BAIAP3: variants seen among roughly 807,000 people sequenced by gnomAD.
BAIAP3 encodes the protein BAI1 associated protein 3.
In BAIAP3, 180 loss-of-function variants were observed where a neutral mutation model predicts 149.7. The observed-to-expected ratio is 1.20, with a 90% CI of 1.07 to 1.36. The LOEUF (loss-of-function observed/expected upper bound fraction) is 1.36, where lower values mean the gene tolerates loss of function less well. Among genes scored for constraint, BAIAP3 ranks in the 40% most tolerant of loss-of-function variants. BAIAP3 has a pLI of 0.00. For synonymous variants in BAIAP3, 845 were observed against 670.7 expected, an observed-to-expected ratio of 1.26 and a Z score of -4.02; for missense variants, 1,767 against 1,563.4, an observed-to-expected ratio of 1.13 and a Z score of -2.20.
At chr16:1,339,061 C>T in intron 3 of BAIAP3, 72 bp downstream of exon 3, 1 of 1,603,950 alleles carries the variant, frequency 6.2e-7, no homozygotes, top group South Asian at 1.1e-5. Flanking sequence ...TCCCCGCTCC[C>T]TCCTGCCCTC....
chr16:1,346,592 C>T lies in BAIAP3; in HGVS notation c.2563-13C>T. 1 of 1,559,662 alleles carries T rather than the reference C, an allele frequency of 6.4e-7. No homozygotes were observed. The highest frequency in any genetic ancestry group is 1.2e-5 in the South Asian group (1 of 85,118). ...GTGCGGGGTAAGCCTGGCCTGACCA[C>T]CCCTGCCCGCAGGCCGTGGCCCCGC... On this transcript the variant is annotated splice_polypyrimidine_tract_variant and intron_variant, in intron 26 of 33. Transcript: ENST00000426824.
At chr16:1,343,643 T>C in intron 15 of BAIAP3, 130 bp downstream of exon 15, 1 of 1,390,164 alleles carries the variant, frequency 7.2e-7, no homozygotes, top group Non-Finnish European at 9.7e-7. Flanking sequence ...ACAAACTGTA[T>C]GACGTGGGCG....
chr16:1,340,172 G>C lies in BAIAP3; in HGVS notation c.408+569G>C, dbSNP rs1467301938. ...GGTGCACACAGACACACGCACACAG[G>C]CTGCAGGTGCACACAGACACACGCA... On this transcript the variant is annotated intron_variant, in intron 5 of 33. Transcript: ENST00000426824. Among the ~76,000 whole-genome samples, 66 of 104,022 alleles carry C rather than the reference G, an allele frequency of 6.3e-4. 3 individuals carry two copies. Among genetic ancestry groups the C allele is most frequent in the Non-Finnish European group, 9.9e-4 (55 of 55,374 alleles). 68.2% of individuals were successfully genotyped at this position (104,022 alleles called of 152,430 possible).
At chr16:1,347,136 C>T (rs527879219) in intron 28 of BAIAP3, 162 bp from the exon 29 acceptor site, 249 of 906,286 alleles carry the variant, frequency 2.7e-4, no homozygotes, top group Non-Finnish European at 3.4e-4. Flanking sequence ...CCTTTCCCCA[C>T]GCTTCCTGGG....
chr16:1,336,550 A>G (rs1007989116), intron 1 of BAIAP3, among the ~76,000 whole-genome samples: 2 of 152,122 alleles, frequency 1.3e-5, no homozygotes, highest in Non-Finnish European at 2.9e-5. Context: ...ATATCCGGGA[A>G]TGGTGTCTGA....
At chr16:1,338,847 C>A (rs2033653584) in intron 2 of BAIAP3, 55 bp from the exon 3 acceptor site, 3 of 1,605,870 alleles carry the variant, frequency 1.9e-6, no homozygotes, top group Non-Finnish European at 2.6e-6. Flanking sequence ...AGTCGAGGGT[C>A]CCAGGCAGGG....
Position 1,338,664 on chromosome 16 carries a change from C to A in BAIAP3, c.115C>A (p.Pro39Thr), listed in dbSNP as rs1474026911. ...GAGTGCCAGCGCCGACCCGCAGGAGCCTGCCACGGGGGCCTGGTGGGTGCC... is the reference window on the plus strand; with the variant it reads ...GAGTGCCAGCGCCGACCCGCAGGAGACTGCCACGGGGGCCTGGTGGGTGCC... ...PGSASADPQE[P>T]ATGAWKPGDG... Residue 39 changes from proline (P) to threonine (T), a missense_variant, in exon 2 of 34, where the codon CCT (proline) becomes ACT (threonine). Pro to Thr is a conservative substitution (Grantham distance 38, BLOSUM62 -1). Transcript: ENST00000426824. 11 of 1,585,864 alleles carry A rather than the reference C, an allele frequency of 6.9e-6. No homozygotes were observed. Among genetic ancestry groups the A allele is most frequent in the Non-Finnish European group, 9.4e-6 (11 of 1,167,868 alleles).
At chr16:1,343,082 G>A in intron 14 of BAIAP3, 66 bp downstream of exon 14, 3 of 1,424,796 alleles carry the variant, frequency 2.1e-6, no homozygotes, top group South Asian at 1.2e-5. Context: ...GGCATCGGGG[G>A]CCATGCGGTG....
chr16:1,340,164 G>A (rs1223277786), intron 5 of BAIAP3, among the ~76,000 whole-genome samples: 32 of 79,044 alleles, frequency 4.0e-4, no homozygotes, highest in African/African-American at 4.7e-4. Context: ...ACAGACACAC[G>A]CACACAGGCT....
intron 20 of BAIAP3, 38 bp downstream of exon 20, chr16:1,344,887 T>A: frequency 6.2e-7 from 1 of 1,613,678 alleles, no homozygotes. Flanking sequence ...CTGCCAGGCA[T>A]GGGGAAGTGG....
chr16:1,336,358 G>C lies in BAIAP3; in HGVS notation c.-10-2182G>C, dbSNP rs79575281. On this transcript the variant is annotated intron_variant, in intron 1 of 33. Coordinates refer to ENST00000426824, the MANE Select transcript of BAIAP3 (RefSeq NM_001199097.2). ...CCTACCAAGCCCCCCCATCTTTTGG[G>C]GGGGAGGCTCACAGGGGAAGGCACT... is the stretch of plus-strand genomic sequence containing the variant. The C allele has an allele frequency of 2.0e-3, 1,981 of 985,390 alleles. 31 individuals carry two copies. The African/African-American group carries it at 0.033, about 16-fold the overall frequency. 61.0% of individuals were successfully genotyped at this position (985,390 alleles called of 1,614,324 possible). A position where few individuals can be genotyped will look rare whatever the true frequency, so the allele number is the denominator to read the frequency against.
rs150730105 is a variant in BAIAP3 at position 1,341,387 on chromosome 16, G to A, written c.629G>A (p.Arg210His). 428 of 1,612,542 alleles carry A rather than the reference G, an allele frequency of 2.7e-4. 1 individual carries two copies. Among genetic ancestry groups the A allele is most frequent in the African/African-American group, 2.2e-3 (168 of 75,064 alleles). Residue 210 changes from arginine to histidine, a missense_variant, in exon 8 of 34, where the codon CGC becomes CAC. Arg to His is a conservative substitution (Grantham distance 29). Coordinates refer to ENST00000426824, the MANE Select transcript of BAIAP3 (RefSeq NM_001199097.2). ...CAGAAGGAGCAGCGCTTCGGCTTCC[G>A]CAAGGGCAGCAAGCGCGGTGGACCC... ...RAQKEQRFGFRKGSKRGGPLP... is the reference protein window; with the variant it reads ...RAQKEQRFGFHKGSKRGGPLP...
At position 1,348,503 on chromosome 16, in the gene BAIAP3, G is replaced by A. The variant is rs200029023; in HGVS notation, c.*21G>A. On this transcript the variant is annotated 3_prime_UTR_variant, in exon 34 of 34. Coordinates refer to ENST00000426824, the MANE Select transcript of BAIAP3 (RefSeq NM_001199097.2). Reference sequence around the variant, plus strand: ...CCTGAGTCCATCAGCTGCCAGCCCCGGCCCTGGCCCCCACCCCAAGTTCCC... The same window carrying A: ...CCTGAGTCCATCAGCTGCCAGCCCCAGCCCTGGCCCCCACCCCAAGTTCCC... The A allele has an allele frequency of 2.5e-4, 393 of 1,585,350 alleles. 5 individuals are homozygous for A. The East Asian group carries it at 5.5e-3, about 22-fold the overall frequency.
chr16:1,339,416 G>A, intron 4 of BAIAP3, 80 bp from the exon 5 acceptor site: 1 of 1,504,078 alleles, frequency 6.6e-7, no homozygotes, highest in Non-Finnish European at 9.1e-7. Context: ...GGTGGGGCCT[G>A]GGCTCAGGCA....
At position 1,348,689 on chromosome 16, in the gene BAIAP3, C is replaced by G; in HGVS notation, c.*207C>G. 2 of 611,592 alleles carry G rather than the reference C, an allele frequency of 3.3e-6. No individual in the cohort carries two copies. Among genetic ancestry groups the G allele is most frequent in the Non-Finnish European group, 5.8e-6 (2 of 347,502 alleles). The allele number at this position is 611,592 out of a possible 1,614,324, so 37.9% of individuals were successfully genotyped here. ...TGAACCCCTGCACCCAACCCCACAT[C>G]TGGGTGGCCAACTTGGCAGGACTTG... On this transcript the variant is annotated 3_prime_UTR_variant, in exon 34 of 34. Coordinates refer to ENST00000426824, the MANE Select transcript of BAIAP3 (RefSeq NM_001199097.2).
At position 1,339,097 on chromosome 16, in the gene BAIAP3, G is replaced by A. The variant is rs1210401735; in HGVS notation, c.220-67G>A. 4 of 1,587,608 alleles carry A rather than the reference G, an allele frequency of 2.5e-6. No homozygotes were observed. The African/African-American group carries it at 4.0e-5, about 16-fold the overall frequency. On this transcript the variant is annotated intron_variant, in intron 3 of 33. Coordinates refer to ENST00000426824, the MANE Select transcript of BAIAP3 (RefSeq NM_001199097.2). ...GCTCCCACCTCCTGGGGCACCACCT[G>A]TCTTCCCTGCTGCAGGCCTGGGGCT...
Position 1,348,776 on chromosome 16 carries a change from C to G in BAIAP3, c.*294C>G, listed in dbSNP as rs2034565353. On this transcript the variant is annotated 3_prime_UTR_variant, in exon 34 of 34. Coordinates refer to ENST00000426824, the MANE Select transcript of BAIAP3 (RefSeq NM_001199097.2). Reference sequence around the variant, plus strand: ...GGGCTTGACCACCTGGTGGGCCTCCCTGCCCGCTTCCTTGGGCTCCCCGGC... The same window carrying G: ...GGGCTTGACCACCTGGTGGGCCTCCGTGCCCGCTTCCTTGGGCTCCCCGGC... 1 of 490,724 alleles carries G rather than the reference C, an allele frequency of 2.0e-6. No individual in the cohort carries two copies. The highest frequency in any genetic ancestry group is 3.6e-5 in the Admixed American group (1 of 27,794). The allele number at this position is 490,724 out of a possible 1,614,324, so 30.4% of individuals were successfully genotyped here.
intron 1 of BAIAP3, chr16:1,336,412 C>G (rs972205946): frequency 5.2e-5 from 51 of 984,080 alleles, no homozygotes; most frequent in East Asian, 1.1e-4. Context: ...GAGTCCCCCC[C>G]GCAAGCATTG....
At chr16:1,336,133 C>T (rs2033437667) in intron 1 of BAIAP3, 22 of 857,306 alleles carry the variant, frequency 2.6e-5, no homozygotes, top group Non-Finnish European at 3.1e-5. Context: ...GAGCCCCCAT[C>T]GCCCCTGTCA....
Sources: gnomAD v4.1 joint callset for allele counts (sites outside exome capture counted in the v4.1 genomes callset) on GRCh38, gnomAD v4.1.1 for gene constraint, MANE v1.5 for transcripts, NCBI Gene and HGNC (gene_info 2026-07-23, HGNC 2026-07-21) for gene names.